ZNF622: variants seen among roughly 807,000 people sequenced by gnomAD.
The protein encoded by ZNF622 is cytoplasmic 60S subunit biogenesis factor ZNF622.
A neutral mutation model predicts 49.7 loss-of-function variants in ZNF622; 34 were observed. The observed-to-expected ratio is 0.68, with a 90% CI of 0.52 to 0.91. The LOEUF is 0.91. ZNF622 is among the 40% of genes least tolerant of loss of function. The pLI, the probability that ZNF622 is intolerant of heterozygous loss-of-function variation, is 0.00. For synonymous variants in ZNF622, 209 were observed against 228.7 expected, an observed-to-expected ratio of 0.91 and a Z score of 0.78; for missense variants, 569 against 616.4, an observed-to-expected ratio of 0.92 and a Z score of 0.81.
intron 4 of ZNF622, among the ~76,000 whole-genome samples, chr5:16,456,631 C>A (rs1415624096): frequency 6.6e-6 from 1 of 152,098 alleles, no homozygotes; most frequent in African/African-American, 2.4e-5. Flanking sequence ...AGGCACCACA[C>A]ATGTAAACAC....
intron 5 of ZNF622, among the ~76,000 whole-genome samples, 155 bp from the exon 6 acceptor site, chr5:16,451,939 G>A (rs1009264212): frequency 3.3e-5 from 5 of 152,024 alleles, no homozygotes; most frequent in South Asian, 2.1e-4. Flanking sequence ...TAAGCCATGC[G>A]CCTCAGGGGT....
chr5:16,460,027 C>G (rs32145), intron 3 of ZNF622, among the ~76,000 whole-genome samples: 113,777 of 152,024 alleles, frequency 0.75, 42,594 homozygotes, highest in Non-Finnish European at 0.76. Context: ...TGGGGGATTG[C>G]TTCCAGGACC....
chr5:16,463,181 T>C lies in ZNF622; in HGVS notation c.976A>G (p.Asn326Asp). ...YSTEAVQAHM[N>D]DKSHCKLFTD... The stretch of plus-strand genomic sequence containing the variant: ...AAGAGCTTACAGTGGCTTTTGTCAT[T>C]CATATGTGCCTGTACAGCTTCTGTG... The change falls in exon 3 of 6, where the codon AAT becomes GAT. Residue 326 changes from asparagine (N) to aspartate (D), a missense_variant. Physicochemically the swap from Asn to Asp is conservative, Grantham distance 23. Transcript: ENST00000308683. This position sits in a 1 kb window ranked among gnomAD's most constrained non-coding sequence, Gnocchi z 4.2. The C allele has an allele frequency of 6.2e-7, 1 of 1,614,056 alleles. No homozygotes were observed. Among genetic ancestry groups the C allele is most frequent in the Non-Finnish European group, 8.5e-7 (1 of 1,180,002 alleles).
At position 16,463,846 on chromosome 5, in the gene ZNF622, C is replaced by G; in HGVS notation, c.626-104G>C. ...TACAGTCCTATATTTGGAGAAACAG[C>G]CACACCCCAACTCCCAAGGACAACT... On this transcript the variant is annotated intron_variant, in intron 1 of 5. Transcript: ENST00000308683. The surrounding 1 kb of genome is among the most constrained non-coding windows in gnomAD (Gnocchi z 4.2). 2.4e-6 allele frequency: 3 copies of G among 1,235,746 alleles called. No homozygotes were observed. 76.5% of individuals were successfully genotyped at this position (1,235,746 alleles called of 1,614,324 possible). A position where few individuals can be genotyped will look rare whatever the true frequency, so the allele number is the denominator to read the frequency against.
At chr5:16,457,900 A>T (rs985399547) in intron 4 of ZNF622, among the ~76,000 whole-genome samples, 6 of 152,210 alleles carry the variant, frequency 3.9e-5, no homozygotes, top group Non-Finnish European at 1.5e-5. Context: ...TAAATACCAG[A>T]CATTAAGATC....
intron 3 of ZNF622, among the ~76,000 whole-genome samples, chr5:16,460,441 G>A (rs1738104967): frequency 1.3e-5 from 2 of 152,168 alleles, no homozygotes; most frequent in Admixed American, 1.3e-4. Context: ...TTTTTTAGCT[G>A]AGTGAATCCA....
chr5:16,452,852 C>T, intron 5 of ZNF622, among the ~76,000 whole-genome samples, 161 bp downstream of exon 5: 1 of 152,180 alleles, frequency 6.6e-6, no homozygotes, highest in South Asian at 2.1e-4. Context: ...GGGCTTATTG[C>T]CTTAAACATA....
intron 4 of ZNF622, among the ~76,000 whole-genome samples, chr5:16,454,927 G>A (rs1416839937): frequency 2.6e-5 from 4 of 152,326 alleles, no homozygotes; most frequent in Non-Finnish European, 1.5e-5. Flanking sequence ...ACTAATTCCA[G>A]GCTCCCTCAG....
Position 16,465,218 on chromosome 5 carries a change from C to T in ZNF622, c.448G>A (p.Ala150Thr), listed in dbSNP as rs2126496414. The T allele has an allele frequency of 6.2e-7, 1 of 1,614,152 alleles. No homozygotes were observed. The highest frequency in any genetic ancestry group is 2.2e-5 in the East Asian group (1 of 44,880). The part of the protein sequence containing the change: ...PSMSPKKAPP[A>T]PAKEARNVVA... ...ACATTCCTGGCCTCCTTTGCAGGCGCTGGGGGCGCCTTCTTGGGAGACATG... is the reference window on the plus strand; with the variant it reads ...ACATTCCTGGCCTCCTTTGCAGGCGTTGGGGGCGCCTTCTTGGGAGACATG... The change falls in exon 1 of 6, where the codon GCG becomes ACG. Residue 150 changes from alanine (A) to threonine (T), a missense_variant. Ala to Thr is a moderately conservative substitution (Grantham distance 58). Transcript: ENST00000308683. This position sits in a 1 kb window ranked among gnomAD's most constrained non-coding sequence, Gnocchi z 6.2.
chr5:16,463,344 A>C lies in ZNF622; in HGVS notation c.887-74T>G. ...AGATTAAATCTCACTATTTGTCACC[A>C]AAACTCAAAAATCATTCACAAAATA... is the stretch of plus-strand genomic sequence containing the variant. On this transcript the variant is annotated intron_variant, in intron 2 of 5. Coordinates refer to ENST00000308683, the MANE Select transcript of ZNF622 (RefSeq NM_033414.3). The surrounding 1 kb of genome is among the most constrained non-coding windows in gnomAD (Gnocchi z 4.2). 1 of 1,527,300 alleles carries C rather than the reference A, an allele frequency of 6.5e-7. No individual in the cohort carries two copies. The highest frequency in any genetic ancestry group is 2.3e-5 in the East Asian group (1 of 44,254). The allele number at this position is 1,527,300 out of a possible 1,614,324, so 94.6% of individuals were successfully genotyped here. A position where few individuals can be genotyped will look rare whatever the true frequency, so the allele number is the denominator to read the frequency against.
intron 4 of ZNF622, among the ~76,000 whole-genome samples, chr5:16,456,155 T>C (rs1738020475): frequency 6.6e-6 from 1 of 152,166 alleles, no homozygotes; most frequent in African/African-American, 2.4e-5. Context: ...TGGAGTGCAG[T>C]GGCGTGATCA....
chr5:16,458,643 A>G lies in ZNF622; in HGVS notation c.1050-14T>C, dbSNP rs751561300. On this transcript the variant is annotated splice_polypyrimidine_tract_variant and intron_variant, in intron 3 of 5. Coordinates refer to ENST00000308683, the MANE Select transcript of ZNF622 (RefSeq NM_033414.3). ...GGATAGCTACTCCTATAACAGAGAA[A>G]TTGCACTAATAAATAGACTAATATC... 1 of 1,545,472 alleles carries G rather than the reference A, an allele frequency of 6.5e-7. No homozygotes were observed. The highest frequency in any genetic ancestry group is 8.9e-7 in the Non-Finnish European group (1 of 1,127,366).
At chr5:16,455,106 T>C (rs187865681) in intron 4 of ZNF622, among the ~76,000 whole-genome samples, 40 of 152,322 alleles carry the variant, frequency 2.6e-4, no homozygotes, top group Admixed American at 2.4e-3. Context: ...AACAACAGCA[T>C]ATACATAAGG....
At chr5:16,459,551 C>A (rs1194338477) in intron 3 of ZNF622, among the ~76,000 whole-genome samples, 3 of 152,168 alleles carry the variant, frequency 2.0e-5, no homozygotes, top group African/African-American at 7.2e-5. Flanking sequence ...CATATACACA[C>A]AACAGATAAC....
intron 3 of ZNF622, among the ~76,000 whole-genome samples, chr5:16,459,948 G>A (rs1241150737): frequency 1.3e-5 from 2 of 152,226 alleles, no homozygotes; most frequent in Non-Finnish European, 2.9e-5. Flanking sequence ...TGATCTAGGT[G>A]CTAGTTATAT....
rs764238507 is a variant in ZNF622 at position 16,465,274 on chromosome 5, G to A, written c.392C>T (p.Ala131Val). Residue 131 changes from alanine (A) to valine (V), a missense_variant, in exon 1 of 6, where the codon GCC (alanine) becomes GTC (valine). Physicochemically the swap from Ala to Val is moderately conservative, Grantham distance 64. Transcript: ENST00000308683. The surrounding 1 kb of genome is among the most constrained non-coding windows in gnomAD (Gnocchi z 6.2). ...DSVDKDAMNA[A>V]IQQAIKAQPS... ...CTGGGCCTTGATGGCCTGCTGGATG[G>A]CCGCGTTCATGGCATCCTTGTCCAC... is the stretch of plus-strand genomic sequence containing the variant. The A allele has an allele frequency of 6.2e-7, 1 of 1,614,242 alleles. No individual in the cohort carries two copies. Among genetic ancestry groups the A allele is most frequent in the East Asian group, 2.2e-5 (1 of 44,882 alleles).
intron 5 of ZNF622, 104 bp from the exon 6 acceptor site, chr5:16,451,888 A>G: frequency 7.1e-7 from 1 of 1,413,276 alleles, no homozygotes; most frequent in Non-Finnish European, 9.5e-7. Flanking sequence ...TGGGGTAACT[A>G]GGTTCTTGTA....
chr5:16,453,199 T>C (rs984323860), intron 4 of ZNF622, 43 bp from the exon 5 acceptor site: 2 of 1,399,226 alleles, frequency 1.4e-6, no homozygotes, highest in African/African-American at 1.5e-5. Flanking sequence ...AGTTGGATAG[T>C]TTTTTCAAGG....
intron 3 of ZNF622, among the ~76,000 whole-genome samples, chr5:16,461,541 G>A (rs751659201): frequency 1.3e-4 from 20 of 152,214 alleles, no homozygotes; most frequent in Non-Finnish European, 2.9e-4. Flanking sequence ...AGCCTCTGAA[G>A]ATAGATAGTG....
Sources: allele counts gnomAD v4.1 joint callset (sites outside exome capture counted in the v4.1 genomes callset), GRCh38; gene constraint gnomAD v4.1.1; non-coding constraint Gnocchi (gnomAD v3.1); transcripts MANE v1.5; gene names NCBI Gene and HGNC (gene_info 2026-07-23, HGNC 2026-07-21).